CYFIP2: variants seen among roughly 807,000 people sequenced by gnomAD.
CYFIP2 encodes cytoplasmic FMR1 interacting protein 2.
A neutral mutation model predicts 158.7 loss-of-function variants in CYFIP2; 29 were observed. The ratio of observed to expected loss-of-function variants is 0.18; its 90% CI spans 0.14 to 0.25. CYFIP2 has a LOEUF of 0.25. Among genes scored for constraint, CYFIP2 ranks in the 10% least tolerant of loss-of-function variants. The pLI is 1.00. For missense variants in CYFIP2, 852 were observed against 1,639.5 expected (o/e 0.52, Z 8.29); for synonymous variants, 585 against 617.6 (o/e 0.95, Z 0.78).
At chr5:157,290,748 G>A (rs753620793) in intron 3 of CYFIP2, among the ~76,000 whole-genome samples, 2 of 152,156 alleles carry the variant, frequency 1.3e-5, no homozygotes, top group South Asian at 2.1e-4. Flanking sequence ...TGTCTTCCTC[G>A]TGCCTTCCCC....
rs534658476 is a variant in CYFIP2, at chr5:157,392,735, A to C, written c.3595-98A>C. The C allele has an allele frequency of 6.0e-6, 8 of 1,336,000 alleles. No individual in the cohort carries two copies. In the African/African-American group the frequency reaches 1.2e-4, roughly 20 times the overall value. The allele number at this position is 1,336,000 out of a possible 1,614,324, so 82.8% of individuals were successfully genotyped here. Reference sequence around the variant, plus strand: ...CTTTAAGAAAGTGACATGATCACTGATGCAGGGGACCCTGGACCTCAGTGA... The same window carrying C: ...CTTTAAGAAAGTGACATGATCACTGCTGCAGGGGACCCTGGACCTCAGTGA... On this transcript the variant is annotated intron_variant, in intron 30 of 30. Transcript: ENST00000620254.
At chr5:157,314,933 G>A (rs1183708922) in intron 12 of CYFIP2, 36 bp from the exon 13 acceptor site, 2 of 1,494,062 alleles carry the variant, frequency 1.3e-6, no homozygotes. Flanking sequence ...CCGTTCATCA[G>A]TTGATGGACG....
At chr5:157,343,560 A>G in intron 23 of CYFIP2, 1 of 1,520,298 alleles carries the variant, frequency 6.6e-7, no homozygotes, top group Non-Finnish European at 8.9e-7. Context: ...CCAGAATCAA[A>G]GTGAAGAGTG....
chr5:157,286,957 C>T lies in CYFIP2; in HGVS notation c.118-62C>T, dbSNP rs565892801. The T allele has an allele frequency of 2.9e-6, 4 of 1,375,674 alleles. No homozygotes were observed. The African/African-American group carries it at 5.7e-5, about 20-fold the overall frequency. The allele number at this position is 1,375,674 out of a possible 1,614,324, so 85.2% of individuals were successfully genotyped here. On this transcript the variant is annotated intron_variant, in intron 2 of 30. Transcript: ENST00000620254. ...TGTTGGCAGCAGTTTGCCCTCTGGA[C>T]ACCCAGCCAACTTGGAACTGTTTTC...
chr5:157,314,027 C>T (rs181179711), intron 11 of CYFIP2, among the ~76,000 whole-genome samples: 97 of 152,222 alleles, frequency 6.4e-4, no homozygotes, highest in Non-Finnish European at 1.2e-3. Context: ...CCCAGGAGAC[C>T]AGCCTGGACA....
intron 21 of CYFIP2, among the ~76,000 whole-genome samples, chr5:157,336,584 A>G (rs1003938895): frequency 5.3e-5 from 8 of 152,204 alleles, no homozygotes; most frequent in African/African-American, 1.9e-4. Context: ...CACTTGCCTG[A>G]GGCCACAGAG....
rs529314987 is a variant in CYFIP2 at position 157,305,806 on chromosome 5, C to T, written c.795+1440C>T. Among the ~76,000 whole-genome samples the T allele has an allele frequency of 3.9e-5, 6 of 152,320 alleles. No homozygotes were observed. The East Asian group carries it at 7.7e-4, about 20-fold the overall frequency. ...CTGGGATTACGTGCATGAGGCACTGCGCCTGGCCTACTTTCAGCATTTTTA... is the reference window on the plus strand; with the variant it reads ...CTGGGATTACGTGCATGAGGCACTGTGCCTGGCCTACTTTCAGCATTTTTA... On this transcript the variant is annotated intron_variant, in intron 8 of 30. Coordinates refer to ENST00000620254, the MANE Select transcript of CYFIP2 (RefSeq NM_001037333.3).
intron 4 of CYFIP2, 95 bp downstream of exon 4, chr5:157,294,955 A>C: frequency 1.0e-6 from 1 of 1,000,810 alleles, no homozygotes; most frequent in Non-Finnish European, 1.5e-6. Flanking sequence ...TTTTCTTTCC[A>C]CGTGGTAGGG....
rs375285105 is a variant in CYFIP2, at chr5:157,279,799, C to G, written c.-23-5540C>G. Among the ~76,000 whole-genome samples, 11 of 152,136 alleles carry G rather than the reference C, an allele frequency of 7.2e-5. 1 individual carries two copies. Among genetic ancestry groups the G allele is most frequent in the Admixed American group, 6.5e-4 (10 of 15,292 alleles). On this transcript the variant is annotated intron_variant, in intron 1 of 30. Coordinates refer to ENST00000620254, the MANE Select transcript of CYFIP2 (RefSeq NM_001037333.3). Reference sequence around the variant, plus strand: ...ATGAAATGGTCACATGTTCGTAGACCGAATATAAAGAATCATTCTCACTTG... The same window carrying G: ...ATGAAATGGTCACATGTTCGTAGACGGAATATAAAGAATCATTCTCACTTG...
Position 157,305,684 on chromosome 5 carries a change from A to T in CYFIP2, c.795+1318A>T, listed in dbSNP as rs1006993073. ...TGCCACCACACTCAGCTATTTTTTT[A>T]AAAAATTTTTTGTAGAGTCAAGGTC... is the stretch of plus-strand genomic sequence containing the variant. On this transcript the variant is annotated intron_variant, in intron 8 of 30. Transcript: ENST00000620254. Among the ~76,000 whole-genome samples, 12 of 151,994 alleles carry T rather than the reference A, an allele frequency of 7.9e-5. No individual in the cohort carries two copies. In the South Asian group the frequency reaches 1.0e-3, roughly 13 times the overall value.
chr5:157,268,187 CT>C (rs1755774604), intron 1 of CYFIP2, among the ~76,000 whole-genome samples: 1 of 152,250 alleles, frequency 6.6e-6, no homozygotes, highest in Non-Finnish European at 1.5e-5. Flanking sequence ...TAGCTCTCTG[CT>C]CACTAAGCTT....
At chr5:157,316,867 A>G (rs188219493) in intron 13 of CYFIP2, among the ~76,000 whole-genome samples, 72 of 152,262 alleles carry the variant, frequency 4.7e-4, no homozygotes, top group Admixed American at 4.7e-3. Context: ...TCCAAGCTTC[A>G]CTTTAAAGGA....
rs58005665 is a variant in CYFIP2 at position 157,339,145 on chromosome 5, G to A, written c.2474G>A (p.Arg825Gln). Residue 825 changes from arginine to glutamine, a missense_variant, in exon 22 of 31, where the codon CGA becomes CAA. Physicochemically the swap from Arg to Gln is conservative, Grantham distance 43. Around this residue, in one of 8 missense-constraint regions of CYFIP2, gnomAD observed 191 missense variants for 311.2 expected, o/e 0.61. Coordinates refer to ENST00000620254, the MANE Select transcript of CYFIP2 (RefSeq NM_001037333.3). ...CTGGACAGCTTCGATGCCATGTTCC[G>A]AGAGGCCAATCACAATGTGTCCGCC... ...MTLDSFDAMFREANHNVSAPY... is the reference protein window; with the variant it reads ...MTLDSFDAMFQEANHNVSAPY... 6.2e-7 allele frequency: 1 copy of A among 1,613,880 alleles called. No individual in the cohort carries two copies. Among genetic ancestry groups the A allele is most frequent in the African/African-American group, 1.3e-5 (1 of 74,912 alleles).
At chr5:157,273,328 A>C (rs1756262083) in intron 1 of CYFIP2, among the ~76,000 whole-genome samples, 1 of 152,212 alleles carries the variant, frequency 6.6e-6, no homozygotes, top group South Asian at 2.1e-4. Flanking sequence ...ATCAGTAGAA[A>C]GAGAGCTAGG....
At chr5:157,366,095 TATC>T (rs961008042) in intron 26 of CYFIP2, among the ~76,000 whole-genome samples, 7 of 152,200 alleles carry the variant, frequency 4.6e-5, no homozygotes, top group African/African-American at 1.4e-4. Context: ...GTATGAGAGT[TATC>T]ATTTCTTTGC....
chr5:157,300,611 G>T, intron 5 of CYFIP2, 104 bp from the exon 6 acceptor site: 3 of 1,047,886 alleles, frequency 2.9e-6, no homozygotes, highest in Non-Finnish European at 3.7e-6. Flanking sequence ...TGGCAGATTT[G>T]CCTTTCTCGA....
Position 157,371,725 on chromosome 5 carries a change from AAAG to A in CYFIP2, c.3039+10130_3039+10132del, listed in dbSNP as rs1477653310. Among the ~76,000 whole-genome samples the A allele has an allele frequency of 2.0e-5, 3 of 152,302 alleles. No individual in the cohort carries two copies. The East Asian group carries it at 5.8e-4, about 29-fold the overall frequency. On this transcript the variant is annotated intron_variant, in intron 26 of 30. Coordinates refer to ENST00000620254, the MANE Select transcript of CYFIP2 (RefSeq NM_001037333.3). ...CAGTTTTAAATTAACTATAATATGAAAAGAAAATTAAATTAAGACAGAAAGTAA... is the reference window on the plus strand; with the variant it reads ...CAGTTTTAAATTAACTATAATATGAAAAAATTAAATTAAGACAGAAAGTAA...
chr5:157,325,996 G>A (rs971193148), intron 17 of CYFIP2, 175 bp from the exon 18 acceptor site: 8 of 596,638 alleles, frequency 1.3e-5, no homozygotes, highest in South Asian at 1.1e-4. Flanking sequence ...TTTTTCTTTG[G>A]ACTGACTGTA....
intron 23 of CYFIP2, among the ~76,000 whole-genome samples, chr5:157,358,419 A>G (rs1054488067): frequency 2.0e-5 from 3 of 152,276 alleles, no homozygotes; most frequent in African/African-American, 7.2e-5. Flanking sequence ...GAAACCACTG[A>G]CTTAATCCAA....
Sources: allele counts gnomAD v4.1 joint callset (sites outside exome capture counted in the v4.1 genomes callset), GRCh38; gene constraint gnomAD v4.1.1; regional missense constraint gnomAD v4.1.1; transcripts MANE v1.5; gene names NCBI Gene and HGNC (gene_info 2026-07-23, HGNC 2026-07-21).